Variants in CDH23 observed in about 807,000 individuals in gnomAD.
CDH23 encodes cadherin related 23.
In CDH23, 189 loss-of-function variants were observed where a neutral mutation model predicts 317.1. That is an observed-to-expected ratio of 0.60 (90% confidence interval 0.53 to 0.67). CDH23 has a LOEUF of 0.67. Among genes scored for constraint, CDH23 ranks in the 30% least tolerant of loss-of-function variants. The pLI is 0.00. For missense variants in CDH23, 4,401 were observed against 4,592.4 expected, an observed-to-expected ratio of 0.96 and a Z score of 1.20; for synonymous variants, 1,839 against 1,876.8, an observed-to-expected ratio of 0.98 and a Z score of 0.52.
chr10:71,775,141 T>C (rs1415394608), intron 38 of CDH23, among the ~76,000 whole-genome samples: 1 of 152,122 alleles, frequency 6.6e-6, no homozygotes, highest in Non-Finnish European at 1.5e-5. Flanking sequence ...CCTGCTGGCA[T>C]AGCATGAGCT....
At chr10:71,398,711 G>A (rs1847648267) in intron 1 of CDH23, among the ~76,000 whole-genome samples, 1 of 152,108 alleles carries the variant, frequency 6.6e-6, no homozygotes, top group Non-Finnish European at 1.5e-5. Flanking sequence ...CTGGGAAGGG[G>A]CCCCTTGCCT....
chr10:71,612,638 G>T (rs1476080635), intron 9 of CDH23, among the ~76,000 whole-genome samples: 1 of 152,184 alleles, frequency 6.6e-6, no homozygotes, highest in Non-Finnish European at 1.5e-5. Flanking sequence ...GATGCTGTCT[G>T]TGGGGGGGCT....
intron 20 of CDH23, among the ~76,000 whole-genome samples, chr10:71,693,829 C>G (rs1275136070): frequency 6.6e-6 from 1 of 152,174 alleles, no homozygotes; most frequent in Non-Finnish European, 1.5e-5. Context: ...AGCTTAAGGC[C>G]TAATGGCCCT....
At chr10:71,765,320 G>A (rs968864749) in intron 38 of CDH23, among the ~76,000 whole-genome samples, 1 of 152,258 alleles carries the variant, frequency 6.6e-6, no homozygotes, top group African/African-American at 2.4e-5. Flanking sequence ...TTGGGGGCTG[G>A]CCAAAGGGCT....
In CDH23 at chr10:71,702,552, G is replaced by T. The variant is rs1317670560; in HGVS notation, c.2591G>T (p.Gly864Val). 3 of 1,613,936 alleles carry T rather than the reference G, an allele frequency of 1.9e-6. No individual in the cohort carries two copies. The highest frequency in any genetic ancestry group is 2.7e-5 in the African/African-American group (2 of 75,048). Residue 864 changes from glycine to valine, a missense_variant, in exon 24 of 70, where the codon GGC (glycine) becomes GTC (valine). Around this residue, in one of 3 missense-constraint regions of CDH23, gnomAD observed 3,068 missense variants for 3,203.3 expected, o/e 0.96. Transcript: ENST00000224721. ...CTTCTCGCCCTGGTCTTCCCAGGTG[G>T]CAGGCCCCCTCTGAAAGCCACCAGC... ...RKIVVSVTDCGRPPLKATSSA... is the reference protein window; with the variant it reads ...RKIVVSVTDCVRPPLKATSSA...
intron 19 of CDH23, among the ~76,000 whole-genome samples, chr10:71,689,415 C>A (rs1564734440): frequency 6.6e-6 from 1 of 152,108 alleles, no homozygotes; most frequent in African/African-American, 2.4e-5. Flanking sequence ...CAGCACTACA[C>A]CCCCATCCCT....
At chr10:71,524,188 G>A (rs1009978815) in intron 6 of CDH23, among the ~76,000 whole-genome samples, 4 of 152,228 alleles carry the variant, frequency 2.6e-5, no homozygotes, top group African/African-American at 9.6e-5. Context: ...GTGACTGTGA[G>A]CTCTGTGAAA....
intron 14 of CDH23, among the ~76,000 whole-genome samples, chr10:71,669,988 G>A (rs374020417): frequency 4.6e-5 from 6 of 130,842 alleles, no homozygotes; most frequent in South Asian, 2.9e-4. Context: ...GTGACAGAGC[G>A]AGACTCCGTC....
chr10:71,417,927 C>T (rs539639010), intron 1 of CDH23, among the ~76,000 whole-genome samples: 19 of 152,296 alleles, frequency 1.2e-4, no homozygotes, highest in South Asian at 1.0e-3. Context: ...TTATTTTCTG[C>T]GGGTCTATTT....
Position 71,760,008 on chromosome 10 carries a change from TATAC to T in CDH23, c.4846-17670_4846-17667del, listed in dbSNP as rs1333279196. ...ATATATACACACACACATACATATA[TATAC>T]ACACACACATATATACACACACACA... is the stretch of plus-strand genomic sequence containing the variant. On this transcript the variant is annotated intron_variant, in intron 38 of 69. Transcript: ENST00000224721. 3.0e-5 allele frequency among the ~76,000 whole-genome samples: 3 copies of T among 101,674 alleles called. 1 individual carries two copies. The highest frequency in any genetic ancestry group is 1.1e-4 in the African/African-American group (3 of 28,366). The allele number at this position is 101,674 out of a possible 152,430, so 66.7% of individuals were successfully genotyped here. A position where few individuals can be genotyped will look rare whatever the true frequency, so the allele number is the denominator to read the frequency against.
chr10:71,751,208 C>T lies in CDH23; in HGVS notation c.4845+9287C>T, dbSNP rs762870086. 1.1e-5 allele frequency: 17 copies of T among 1,588,424 alleles called. No homozygotes were observed. The highest frequency in any genetic ancestry group is 4.3e-6 in the Non-Finnish European group (5 of 1,165,756). On this transcript the variant is annotated intron_variant, in intron 38 of 69. Transcript: ENST00000224721. The surrounding 1 kb of genome is among the most constrained non-coding windows in gnomAD (Gnocchi z 4.9). ...CAGAGCCAGCCCTGGCTCAAATGCA[C>T]CTGCCCCAGACCCAGCCACAACAGC...
At chr10:71,658,658 G>A (rs1417995807) in intron 14 of CDH23, among the ~76,000 whole-genome samples, 4 of 152,226 alleles carry the variant, frequency 2.6e-5, no homozygotes, top group Non-Finnish European at 2.9e-5. Flanking sequence ...TTTACAGGGC[G>A]TTCCCTGTCT....
chr10:71,651,187 A>G (rs1863150829), intron 14 of CDH23, among the ~76,000 whole-genome samples: 2 of 152,140 alleles, frequency 1.3e-5, no homozygotes, highest in South Asian at 2.1e-4. Flanking sequence ...TCCCTGAGGA[A>G]GTGGCATTTG....
intron 11 of CDH23, among the ~76,000 whole-genome samples, chr10:71,628,864 G>A (rs1589276974): frequency 6.6e-6 from 1 of 152,202 alleles, no homozygotes; most frequent in Non-Finnish European, 1.5e-5. Flanking sequence ...TGCAGAGCAC[G>A]TTTTCCCCTC....
At chr10:71,679,300 G>A (rs1248794613) in intron 16 of CDH23, 87 bp from the exon 17 acceptor site, 4 of 907,456 alleles carry the variant, frequency 4.4e-6, no homozygotes, top group South Asian at 4.2e-5. Context: ...AACAGGGCCA[G>A]TCTTCCCCAC....
In CDH23 at chr10:71,578,284, G is replaced by A. The variant is rs116615989; in HGVS notation, c.832+292G>A. 8.4e-3 allele frequency among the ~76,000 whole-genome samples: 1,276 copies of A among 152,270 alleles called. 17 individuals are homozygous for A. Among genetic ancestry groups the A allele is most frequent in the African/African-American group, 0.028 (1,166 of 41,540 alleles). On this transcript the variant is annotated intron_variant, in intron 9 of 69. Transcript: ENST00000224721. Reference sequence around the variant, plus strand: ...TGTGCCGCTGTCCAAGGTCTGAGACGGTTGGGCACTTTGGGGCTCTGGGCC... The same window carrying A: ...TGTGCCGCTGTCCAAGGTCTGAGACAGTTGGGCACTTTGGGGCTCTGGGCC...
chr10:71,402,755 G>A (rs555645740), intron 1 of CDH23, among the ~76,000 whole-genome samples: 159 of 149,658 alleles, frequency 1.1e-3, no homozygotes, highest in African/African-American at 3.5e-3. Context: ...GCACGCGCGC[G>A]CGCGCACATG....
At chr10:71,736,674 G>A (rs770289095) in intron 34 of CDH23, among the ~76,000 whole-genome samples, 2 of 152,172 alleles carry the variant, frequency 1.3e-5, no homozygotes, top group Non-Finnish European at 2.9e-5. Context: ...CCCCTGCCTT[G>A]CAGCCTCACC....
Position 71,803,095 on chromosome 10 carries a change from C to T in CDH23, c.7660+20C>T, listed in dbSNP as rs1211775846. 2.5e-6 allele frequency: 4 copies of T among 1,604,006 alleles called. No homozygotes were observed. The highest frequency in any genetic ancestry group is 1.1e-5 in the South Asian group (1 of 90,528). Reference sequence around the variant, plus strand: ...GCGTGGGTATGTGGCCTTCCTTGGACACCCATGATGTCTTGGGGGGTGGGA... The same window carrying T: ...GCGTGGGTATGTGGCCTTCCTTGGATACCCATGATGTCTTGGGGGGTGGGA... On this transcript the variant is annotated intron_variant, in intron 54 of 69. Transcript: ENST00000224721.
Sources: allele counts gnomAD v4.1 joint callset (sites outside exome capture counted in the v4.1 genomes callset), GRCh38; gene constraint gnomAD v4.1.1; regional missense constraint gnomAD v4.1.1; non-coding constraint Gnocchi (gnomAD v3.1); transcripts MANE v1.5; gene names NCBI Gene and HGNC (gene_info 2026-07-23, HGNC 2026-07-21).